The following CAMKMT variants were observed in gnomAD, a reference collection of about 807,000 sequenced individuals.
The protein encoded by CAMKMT is CaM KMT.
In CAMKMT, 53 loss-of-function variants were observed where a neutral mutation model predicts 48.0. The observed-to-expected ratio is 1.10, with a 90% CI of 0.89 to 1.39. The LOEUF is 1.39. Ranked by LOEUF, CAMKMT falls within the 40% of genes most tolerant of loss-of-function variation. CAMKMT has a pLI of 0.00. For missense variants in CAMKMT, 428 were observed against 402.7 expected (o/e 1.06, Z -0.54); for synonymous variants, 165 against 152.3 (o/e 1.08, Z -0.61).
intron 3 of CAMKMT, among the ~76,000 whole-genome samples, chr2:44,599,700 A>G (rs1670871008): frequency 6.6e-6 from 1 of 152,030 alleles, no homozygotes; most frequent in African/African-American, 2.4e-5. Flanking sequence ...CTTAGATTCC[A>G]CAAACATTTT....
chr2:44,557,200 T>C (rs1446514120), intron 3 of CAMKMT, among the ~76,000 whole-genome samples: 1 of 152,220 alleles, frequency 6.6e-6, no homozygotes, highest in African/African-American at 2.4e-5. Flanking sequence ...CTGTGTCCTC[T>C]TTCTGCCATC....
chr2:44,674,910 A>G lies in CAMKMT; in HGVS notation c.377-29373A>G, dbSNP rs376673967. ...GAAAAAAAAAACACACAAACTATCA[A>G]TCTTCTCCTCCTGTCTCCCACCCTG... On this transcript the variant is annotated intron_variant, in intron 3 of 10. Coordinates refer to ENST00000378494, the MANE Select transcript of CAMKMT (RefSeq NM_024766.5). 1.1e-4 allele frequency among the ~76,000 whole-genome samples: 16 copies of G among 152,042 alleles called. No individual in the cohort carries two copies. The South Asian group carries it at 1.9e-3, about 18-fold the overall frequency.
chr2:44,412,216 C>G (rs752718125), intron 3 of CAMKMT, among the ~76,000 whole-genome samples: 4 of 152,074 alleles, frequency 2.6e-5, no homozygotes, highest in East Asian at 1.9e-4. Flanking sequence ...CTGTACACCC[C>G]CTGCGATGCC....
At chr2:44,564,664 C>G (rs1024345113) in intron 3 of CAMKMT, among the ~76,000 whole-genome samples, 4 of 152,136 alleles carry the variant, frequency 2.6e-5, no homozygotes, top group African/African-American at 9.7e-5. Context: ...CCTCAGCCTC[C>G]CGAGTAGCTG....
chr2:44,738,267 T>A (rs1338721832), intron 7 of CAMKMT, among the ~76,000 whole-genome samples: 1 of 152,238 alleles, frequency 6.6e-6, no homozygotes, highest in Non-Finnish European at 1.5e-5. Flanking sequence ...TCATTTCATT[T>A]ATTTCTGTCT....
chr2:44,728,459 C>G (rs563707405), intron 7 of CAMKMT, among the ~76,000 whole-genome samples: 1 of 152,126 alleles, frequency 6.6e-6, no homozygotes, highest in African/African-American at 2.4e-5. Context: ...GGAGCCCCTC[C>G]TCCTCAATTT....
intron 3 of CAMKMT, among the ~76,000 whole-genome samples, chr2:44,556,098 G>C (rs562227632): frequency 1.1e-4 from 17 of 151,814 alleles, no homozygotes; most frequent in Admixed American, 5.9e-4. Context: ...AAAGTGAAAG[G>C]CTATTTAAAA....
At chr2:44,410,021 A>G (rs1683080030) in intron 3 of CAMKMT, among the ~76,000 whole-genome samples, 1 of 151,990 alleles carries the variant, frequency 6.6e-6, no homozygotes. Flanking sequence ...CTGTGGAAGT[A>G]TAGAGAAGAG....
chr2:44,739,281 T>G (rs1459531613), intron 7 of CAMKMT, among the ~76,000 whole-genome samples: 5 of 152,180 alleles, frequency 3.3e-5, no homozygotes, highest in Non-Finnish European at 7.3e-5. Flanking sequence ...TAGTTTAGAC[T>G]GGGGAGAGCA....
chr2:44,374,011 C>G (rs1053092219), intron 2 of CAMKMT, among the ~76,000 whole-genome samples: 1 of 149,654 alleles, frequency 6.7e-6, no homozygotes, highest in Non-Finnish European at 1.5e-5. Flanking sequence ...ATGGTCTTAG[C>G]TACTCCAGAG....
intron 3 of CAMKMT, among the ~76,000 whole-genome samples, chr2:44,682,340 C>G (rs1267672222): frequency 6.6e-6 from 1 of 152,200 alleles, no homozygotes; most frequent in Non-Finnish European, 1.5e-5. Context: ...TTATCCAGTG[C>G]TCCTACTTTC....
chr2:44,605,047 T>A (rs947674939), intron 3 of CAMKMT, among the ~76,000 whole-genome samples: 7 of 152,178 alleles, frequency 4.6e-5, no homozygotes, highest in African/African-American at 1.7e-4. Context: ...CCTCATATAC[T>A]TTTTCTCACC....
intron 1 of CAMKMT, 121 bp downstream of exon 1, chr2:44,362,266 G>A (rs1428224189): frequency 3.5e-6 from 3 of 866,712 alleles, no homozygotes; most frequent in African/African-American, 1.8e-5. Context: ...TCAGTTTGCC[G>A]GGAGCCACCT....
At chr2:44,605,827 T>G (rs1351084359) in intron 3 of CAMKMT, among the ~76,000 whole-genome samples, 1 of 152,134 alleles carries the variant, frequency 6.6e-6, no homozygotes, top group African/African-American at 2.4e-5. Flanking sequence ...CATGTAGAGA[T>G]TCCTAAGAAA....
At chr2:44,424,639 G>A (rs1572842378) in intron 3 of CAMKMT, among the ~76,000 whole-genome samples, 1 of 152,182 alleles carries the variant, frequency 6.6e-6, no homozygotes, top group African/African-American at 2.4e-5. Context: ...TGAGATTGGA[G>A]ACTATTATTC....
At chr2:44,737,327 T>C (rs1679408289) in intron 7 of CAMKMT, among the ~76,000 whole-genome samples, 2 of 152,122 alleles carry the variant, frequency 1.3e-5, no homozygotes, top group African/African-American at 4.8e-5. Flanking sequence ...ATGTTGCCCA[T>C]GCTGTTTTTG....
Position 44,743,647 on chromosome 2 carries a change from G to T in CAMKMT, c.649G>T (p.Asp217Tyr), listed in dbSNP as rs1679798735. The T allele has an allele frequency of 9.3e-6, 15 of 1,613,230 alleles. No individual in the cohort carries two copies. The highest frequency in any genetic ancestry group is 1.2e-5 in the Non-Finnish European group (14 of 1,179,434). ...SCVLRWDNET[D>Y]VSQLEGHFDI... ...CGTTTTACGATGGGATAATGAGACA[G>T]ATGTCTCTCAACTGGAAGGACATTT... The change falls in exon 8 of 11, where the codon GAT (aspartate) becomes TAT (tyrosine). Residue 217 changes from aspartate (D) to tyrosine (Y), a missense_variant. Transcript: ENST00000378494.
intron 3 of CAMKMT, among the ~76,000 whole-genome samples, chr2:44,412,424 C>A (rs1163625186): frequency 6.6e-6 from 1 of 152,142 alleles, no homozygotes; most frequent in African/African-American, 2.4e-5. Context: ...CAACCTCTGC[C>A]TCCCAGGTTC....
At chr2:44,598,840 A>G (rs750081084) in intron 3 of CAMKMT, among the ~76,000 whole-genome samples, 1 of 151,410 alleles carries the variant, frequency 6.6e-6, no homozygotes, top group Non-Finnish European at 1.5e-5. Flanking sequence ...CAAAAAGGCT[A>G]TATACCATCA....
Sources: allele counts gnomAD v4.1 joint callset (sites outside exome capture counted in the v4.1 genomes callset), GRCh38; gene constraint gnomAD v4.1.1; transcripts MANE v1.5; gene names NCBI Gene and HGNC (gene_info 2026-07-23, HGNC 2026-07-21).